DDC: variants seen among roughly 807,000 people sequenced by gnomAD.
DDC encodes the protein aromatic-L-amino-acid decarboxylase.
Under a neutral mutation model 60.0 loss-of-function variants are expected in DDC, and 43 were observed. The ratio of observed to expected loss-of-function variants is 0.72; its 90% CI spans 0.56 to 0.92. The LOEUF (loss-of-function observed/expected upper bound fraction) is 0.92, where lower values mean the gene tolerates loss of function less well. DDC is among the 40% of genes least tolerant of loss of function. The probability of loss-of-function intolerance (pLI) is 0.00; values close to 1 mark genes in which losing one functional copy is unlikely to be tolerated. For missense variants in DDC, 573 were observed against 620.2 expected (o/e 0.92, Z 0.81); for synonymous variants, 232 against 234.6 (o/e 0.99, Z 0.10).
At chr7:50,520,331 C>T (rs919064925) in intron 6 of DDC, among the ~76,000 whole-genome samples, 1 of 152,106 alleles carries the variant, frequency 6.6e-6, no homozygotes, top group Non-Finnish European at 1.5e-5. Flanking sequence ...AAAGTATGCT[C>T]TCAGACTGCA....
chr7:50,507,313 C>T (rs755917370), intron 6 of DDC, among the ~76,000 whole-genome samples: 7 of 152,252 alleles, frequency 4.6e-5, no homozygotes, highest in Non-Finnish European at 8.8e-5. Context: ...TCTCAGCTCA[C>T]TGCAACCTCC....
intron 7 of DDC, among the ~76,000 whole-genome samples, chr7:50,502,762 C>T (rs2043291201): frequency 6.6e-6 from 1 of 152,262 alleles, no homozygotes; most frequent in South Asian, 2.1e-4. Flanking sequence ...GCAATGCACT[C>T]TACCTTTGGG....
chr7:50,533,083 T>A (rs536446421), intron 4 of DDC, among the ~76,000 whole-genome samples: 11 of 152,304 alleles, frequency 7.2e-5, no homozygotes, highest in African/African-American at 2.6e-4. Context: ...GGAGTAATAC[T>A]TTTTTCAAAC....
At chr7:50,459,113 C>T (rs1056636502) in intron 14 of DDC, among the ~76,000 whole-genome samples, 4 of 152,350 alleles carry the variant, frequency 2.6e-5, no homozygotes, top group African/African-American at 4.8e-5. Context: ...CGCACCACCA[C>T]GCCTGACTGG....
chr7:50,558,663 C>T (rs1426677992), intron 1 of DDC, among the ~76,000 whole-genome samples: 3 of 152,212 alleles, frequency 2.0e-5, no homozygotes, highest in African/African-American at 7.2e-5. Flanking sequence ...GCCACACAGC[C>T]AGTAAGTGAA....
At chr7:50,478,165 G>T (rs926531424) in intron 10 of DDC, among the ~76,000 whole-genome samples, 2 of 151,932 alleles carry the variant, frequency 1.3e-5, no homozygotes, top group South Asian at 2.1e-4. Context: ...GAGAGCCAAG[G>T]TTGCACCACT....
At chr7:50,475,813 C>T (rs1243112206) in intron 11 of DDC, among the ~76,000 whole-genome samples, 5 of 152,180 alleles carry the variant, frequency 3.3e-5, no homozygotes, top group East Asian at 3.9e-4. Flanking sequence ...CCTCAGCCTC[C>T]GGGGTAGCTG....
At chr7:50,549,547 G>A (rs975532271) in intron 1 of DDC, among the ~76,000 whole-genome samples, 7 of 151,952 alleles carry the variant, frequency 4.6e-5, no homozygotes, top group Admixed American at 6.6e-5. Context: ...CCAGCTACTC[G>A]GGAGGCTGAG....
chr7:50,480,753 T>C (rs1316317006), intron 9 of DDC, among the ~76,000 whole-genome samples: 1 of 152,168 alleles, frequency 6.6e-6, no homozygotes, highest in African/African-American at 2.4e-5. Flanking sequence ...GACAGCACAG[T>C]GACTGGCCCT....
At chr7:50,479,597 C>T (rs1165940030) in intron 10 of DDC, among the ~76,000 whole-genome samples, 190 bp downstream of exon 10, 3 of 152,138 alleles carry the variant, frequency 2.0e-5, no homozygotes, top group Non-Finnish European at 4.4e-5. Flanking sequence ...CAGGGAGCCT[C>T]CCCAAGCCTC....
intron 12 of DDC, among the ~76,000 whole-genome samples, chr7:50,469,573 C>T (rs1447222631): frequency 1.3e-5 from 2 of 152,186 alleles, no homozygotes; most frequent in Non-Finnish European, 2.9e-5. Context: ...GACCATCTTC[C>T]TGGACCTGAT....
chr7:50,496,237 C>A (rs1347544679), intron 8 of DDC, among the ~76,000 whole-genome samples: 1 of 152,032 alleles, frequency 6.6e-6, no homozygotes, highest in African/African-American at 2.4e-5. Flanking sequence ...GCGTGTGCCA[C>A]CACACACAGC....
Position 50,528,186 on chromosome 7 carries a change from A to T in DDC, c.665T>A (p.Leu222Gln), listed in dbSNP as rs2044094510. Residue 222 changes from leucine (L) to glutamine (Q), a missense_variant, in exon 6 of 15, where the codon CTG becomes CAG. Coordinates refer to ENST00000444124, the MANE Select transcript of DDC (RefSeq NM_001082971.2). ...TTTGTCTCTCTCCAGGGCTTCCTGC[A>T]GGGCAGACGCACGCATGGCGAAGTT... is the stretch of plus-strand genomic sequence containing the variant. ...DGNFAMRASA[L>Q]QEALERDKAA... 6.2e-7 allele frequency: 1 copy of T among 1,613,952 alleles called. No homozygotes were observed. Among genetic ancestry groups the T allele is most frequent in the Non-Finnish European group, 8.5e-7 (1 of 1,180,042 alleles).
intron 14 of DDC, among the ~76,000 whole-genome samples, chr7:50,460,455 A>G (rs7787209): frequency 0.67 from 97,331 of 145,534 alleles, 32,961 homozygotes; most frequent in Admixed American, 0.74. Flanking sequence ...CCGGCCAGCC[A>G]CCCGGTCCAG....
chr7:50,497,358 T>C (rs1214855248), intron 8 of DDC, among the ~76,000 whole-genome samples: 1 of 152,200 alleles, frequency 6.6e-6, no homozygotes, highest in Non-Finnish European at 1.5e-5. Flanking sequence ...CTATGAAAGA[T>C]GAAACCTCAA....
intron 10 of DDC, chr7:50,477,625 C>T (rs1312934991): frequency 4.5e-6 from 2 of 440,856 alleles, no homozygotes; most frequent in East Asian, 7.5e-5. Context: ...GGTATCATTC[C>T]CTAATAGTTA....
chr7:50,506,791 G>A (rs957387754), intron 6 of DDC, among the ~76,000 whole-genome samples: 1 of 152,362 alleles, frequency 6.6e-6, no homozygotes, highest in East Asian at 1.9e-4. Flanking sequence ...CGGTCTATCA[G>A]GTGCCAACGG....
intron 7 of DDC, among the ~76,000 whole-genome samples, chr7:50,503,726 AT>A (rs1163975325): frequency 6.6e-6 from 1 of 152,212 alleles, no homozygotes; most frequent in Non-Finnish European, 1.5e-5. Context: ...ATAACCTGCA[AT>A]TTTACATAAC....
intron 1 of DDC, among the ~76,000 whole-genome samples, chr7:50,562,104 G>T (rs1351781442): frequency 8.5e-5 from 13 of 152,214 alleles, no homozygotes; most frequent in Non-Finnish European, 1.5e-5. Flanking sequence ...ACTTTAAGCA[G>T]CATCTTTTCA....
Sources: gnomAD v4.1 joint callset for allele counts (sites outside exome capture counted in the v4.1 genomes callset) on GRCh38, gnomAD v4.1.1 for gene constraint, MANE v1.5 for transcripts, NCBI Gene and HGNC (gene_info 2026-07-23, HGNC 2026-07-21) for gene names.